Variants in PTPRO observed in about 807,000 individuals in gnomAD.
The protein encoded by PTPRO is receptor-type tyrosine-protein phosphatase O.
In PTPRO, 62 loss-of-function variants were observed where a neutral mutation model predicts 145.2. The ratio of observed to expected loss-of-function variants is 0.43; its 90% CI spans 0.35 to 0.53. PTPRO has a LOEUF of 0.53. PTPRO is among the 20% of genes least tolerant of loss of function. PTPRO has a pLI of 0.01. For missense variants in PTPRO, 1,345 were observed against 1,482.7 expected, an observed-to-expected ratio of 0.91 and a Z score of 1.53; for synonymous variants, 565 against 514.7, an observed-to-expected ratio of 1.10 and a Z score of -1.32.
chr12:15,516,765 C>G lies in PTPRO; in HGVS notation c.1588C>G (p.Pro530Ala), dbSNP rs2136506154. ...ACCCCCTGCCCTCTTCTTTCTAGTT[C>G]CCACAGGAATAAAGGATTTAATGCT... ...PSDPVTFAIV[P>A]TGIKDLMLYP... Residue 530 changes from proline to alanine, a missense_variant and splice_region_variant, in exon 9 of 27, where the codon CCC becomes GCC. By Grantham distance (27) the Pro-to-Ala change is conservative. This residue lies in a region of PTPRO where 1,130 missense variants were observed against 1,214.7 expected (regional missense o/e 0.93). Transcript: ENST00000281171. The G allele has an allele frequency of 6.2e-7, 1 of 1,604,052 alleles. No individual in the cohort carries two copies. The highest frequency in any genetic ancestry group is 1.1e-5 in the South Asian group (1 of 90,874).
chr12:15,425,651 C>G (rs1002813843), intron 1 of PTPRO, among the ~76,000 whole-genome samples: 5 of 152,062 alleles, frequency 3.3e-5, no homozygotes, highest in Non-Finnish European at 2.9e-5. Context: ...GAGTTAGAAA[C>G]CTTCTCAAAT....
At chr12:15,445,914 T>C (rs187769995) in intron 1 of PTPRO, among the ~76,000 whole-genome samples, 3 of 152,246 alleles carry the variant, frequency 2.0e-5, no homozygotes, top group Admixed American at 6.5e-5. Flanking sequence ...CTGAAACATA[T>C]TAGCAAAATC....
intron 2 of PTPRO, among the ~76,000 whole-genome samples, chr12:15,489,534 AT>A (rs1408177183): frequency 6.6e-6 from 1 of 152,178 alleles, no homozygotes; most frequent in East Asian, 1.9e-4. Flanking sequence ...TTGCCATGGC[AT>A]TTGTAAACTG....
chr12:15,348,720 G>C (rs1054908533), intron 1 of PTPRO: 1 of 152,032 alleles, frequency 6.6e-6, no homozygotes, highest in Non-Finnish European at 1.5e-5. Context: ...CCCGGGGGGC[G>C]GAGCCTGCCG....
chr12:15,511,217 G>A (rs1049552067), intron 7 of PTPRO, among the ~76,000 whole-genome samples: 1 of 152,204 alleles, frequency 6.6e-6, no homozygotes, highest in Non-Finnish European at 1.5e-5. Flanking sequence ...GGGGAGCAGA[G>A]TGTGGAAGTA....
At chr12:15,572,937 G>C (rs951443825) in intron 19 of PTPRO, among the ~76,000 whole-genome samples, 2 of 152,170 alleles carry the variant, frequency 1.3e-5, no homozygotes, top group Non-Finnish European at 2.9e-5. Flanking sequence ...CAATGAGTGG[G>C]ACATTCCCGC....
intron 1 of PTPRO, among the ~76,000 whole-genome samples, chr12:15,368,022 A>G (rs957477146): frequency 1.3e-5 from 2 of 152,216 alleles, no homozygotes; most frequent in African/African-American, 4.8e-5. Flanking sequence ...TCATGGATCA[A>G]TCATCTAAAC....
intron 1 of PTPRO, among the ~76,000 whole-genome samples, chr12:15,463,089 T>C (rs1941341604): frequency 6.6e-6 from 1 of 152,174 alleles, no homozygotes; most frequent in African/African-American, 2.4e-5. Context: ...GTGTGATTTG[T>C]TTTCTCAAAG....
chr12:15,567,198 A>G (rs1423751320), intron 18 of PTPRO, among the ~76,000 whole-genome samples: 1 of 151,240 alleles, frequency 6.6e-6, no homozygotes, highest in East Asian at 1.9e-4. Flanking sequence ...CCCCCCTCTC[A>G]TTTTCCTTTG....
intron 15 of PTPRO, among the ~76,000 whole-genome samples, chr12:15,552,915 T>C (rs1943508548): frequency 6.7e-6 from 1 of 148,416 alleles, no homozygotes; most frequent in Admixed American, 6.9e-5. Context: ...TTCTTCTGCC[T>C]CAGTCTCCTG....
intron 1 of PTPRO, among the ~76,000 whole-genome samples, chr12:15,450,301 C>A (rs1941012173): frequency 6.6e-6 from 1 of 152,200 alleles, no homozygotes; most frequent in Non-Finnish European, 1.5e-5. Flanking sequence ...TAAAGACCCT[C>A]TGCCAGAAGT....
At chr12:15,492,016 T>C (rs1459091452) in intron 2 of PTPRO, among the ~76,000 whole-genome samples, 3 of 152,210 alleles carry the variant, frequency 2.0e-5, no homozygotes, top group Non-Finnish European at 4.4e-5. Context: ...TTCATCTTAC[T>C]ACCGAGGTCC....
intron 14 of PTPRO, among the ~76,000 whole-genome samples, chr12:15,550,047 G>C (rs74063860): frequency 0.011 from 1,686 of 152,088 alleles, 30 homozygotes; most frequent in African/African-American, 0.038. Flanking sequence ...TACAGTTGAC[G>C]ATGAATAATG....
intron 12 of PTPRO, among the ~76,000 whole-genome samples, chr12:15,545,439 G>A (rs1357164502): frequency 1.3e-5 from 2 of 150,698 alleles, no homozygotes; most frequent in Non-Finnish European, 2.9e-5. Context: ...TGCATACTGG[G>A]GGACCTAGAG....
At chr12:15,430,842 T>A (rs957152314) in intron 1 of PTPRO, among the ~76,000 whole-genome samples, 7 of 152,256 alleles carry the variant, frequency 4.6e-5, no homozygotes, top group Admixed American at 2.6e-4. Context: ...ATATATACAA[T>A]TTTGTCAATT....
chr12:15,342,172 T>G (rs950671460), intron 1 of PTPRO, among the ~76,000 whole-genome samples: 1 of 152,228 alleles, frequency 6.6e-6, no homozygotes, highest in Non-Finnish European at 1.5e-5. Flanking sequence ...AAGTGCACTT[T>G]CTGTCACCTG....
chr12:15,407,367 A>G (rs1360342615), intron 1 of PTPRO, among the ~76,000 whole-genome samples: 1 of 151,920 alleles, frequency 6.6e-6, no homozygotes, highest in African/African-American at 2.4e-5. Flanking sequence ...CCCCACCCCC[A>G]ATTCATTTGA....
chr12:15,417,496 G>C (rs1940014851), intron 1 of PTPRO, among the ~76,000 whole-genome samples: 2 of 151,636 alleles, frequency 1.3e-5, no homozygotes, highest in South Asian at 4.1e-4. Context: ...ACAAAACCTT[G>C]CTTCTCAGTG....
intron 25 of PTPRO, among the ~76,000 whole-genome samples, chr12:15,590,089 A>G (rs957162526): frequency 3.3e-5 from 5 of 152,186 alleles, no homozygotes; most frequent in African/African-American, 1.2e-4. Flanking sequence ...TCCCCAACCT[A>G]CCAGCATTGC....
Sources: gnomAD v4.1 joint callset for allele counts (sites outside exome capture counted in the v4.1 genomes callset) on GRCh38, gnomAD v4.1.1 for gene constraint, gnomAD v4.1.1 regional missense constraint, MANE v1.5 for transcripts, NCBI Gene and HGNC (gene_info 2026-07-23, HGNC 2026-07-21) for gene names.